FBRSL1: variants seen among roughly 807,000 people sequenced by gnomAD.
FBRSL1 encodes the protein fibrosin-1-like protein.
A neutral mutation model predicts 89.6 loss-of-function variants in FBRSL1; 51 were observed. The observed-to-expected ratio is 0.57, with a 90% CI of 0.45 to 0.72. The LOEUF is 0.72. Among genes scored for constraint, FBRSL1 ranks in the 30% least tolerant of loss-of-function variants. FBRSL1 has a pLI of 0.00. For missense variants in FBRSL1, 1,618 were observed against 1,451.8 expected (o/e 1.11, Z -1.86); for synonymous variants, 779 against 681.1 (o/e 1.14, Z -2.24).
intron 4 of FBRSL1, among the ~76,000 whole-genome samples, chr12:132,541,224 TG>T (rs2037239676): frequency 1.3e-5 from 2 of 150,390 alleles, no homozygotes; most frequent in Admixed American, 6.6e-5. Flanking sequence ...ACTGTCAGCC[TG>T]GGGGGCACAG....
intron 13 of FBRSL1, 42 bp downstream of exon 13, chr12:132,574,390 G>A (rs894259099): frequency 9.0e-6 from 14 of 1,549,474 alleles, no homozygotes; most frequent in Non-Finnish European, 1.1e-5. Context: ...GGAGGACTCT[G>A]GTGCCCCCGG....
chr12:132,562,571 A>ACAGACCCCTCCCCGG, intron 5 of FBRSL1, among the ~76,000 whole-genome samples: 1 of 149,404 alleles, frequency 6.7e-6, no homozygotes, highest in South Asian at 2.1e-4. Flanking sequence ...CAGGACCCCG[A>ACAGACCCCTCCCCGG]CCCCGGGGAC....
At chr12:132,529,585 C>T (rs1434735232) in intron 4 of FBRSL1, among the ~76,000 whole-genome samples, 1 of 151,406 alleles carries the variant, frequency 6.6e-6, no homozygotes, top group Non-Finnish European at 1.5e-5. Flanking sequence ...ACCCTGGGCT[C>T]TTCTCTGCCA....
At chr12:132,572,429 G>T in intron 10 of FBRSL1, 85 bp downstream of exon 10, 2 of 1,511,726 alleles carry the variant, frequency 1.3e-6, no homozygotes, top group Non-Finnish European at 1.8e-6. Flanking sequence ...CCCCTCGCCT[G>T]GCCTCGCCCC....
intron 4 of FBRSL1, among the ~76,000 whole-genome samples, chr12:132,531,084 T>A (rs1238202749): frequency 6.6e-6 from 1 of 151,056 alleles, no homozygotes; most frequent in African/African-American, 2.4e-5. Flanking sequence ...TCCTTGGAAG[T>A]GCTCTTCCCC....
intron 1 of FBRSL1, among the ~76,000 whole-genome samples, chr12:132,505,313 G>A (rs1350321877): frequency 6.6e-6 from 1 of 152,198 alleles, no homozygotes; most frequent in Non-Finnish European, 1.5e-5. Context: ...CTTCCACGGA[G>A]CCCAGGCATC....
At chr12:132,581,606 G>C in intron 16 of FBRSL1, 90 bp downstream of exon 16, 1 of 1,484,814 alleles carries the variant, frequency 6.7e-7, no homozygotes, top group African/African-American at 1.4e-5. Context: ...AGGTGGCCCC[G>C]AGCCCCAGGG....
intron 1 of FBRSL1, among the ~76,000 whole-genome samples, chr12:132,493,027 A>G (rs551138623): frequency 6.6e-6 from 1 of 152,130 alleles, no homozygotes; most frequent in East Asian, 1.9e-4. Context: ...CAACTCATTT[A>G]CTCCTCAAAT....
intron 5 of FBRSL1, among the ~76,000 whole-genome samples, chr12:132,566,682 A>G (rs889351567): frequency 9.2e-5 from 14 of 152,358 alleles, no homozygotes; most frequent in African/African-American, 3.4e-4. Context: ...GCTGCCTCTC[A>G]GCAACACTGG....
chr12:132,581,154 C>A (rs1407836267), intron 15 of FBRSL1: 1 of 985,268 alleles, frequency 1.0e-6, no homozygotes, highest in Non-Finnish European at 1.2e-6. Flanking sequence ...GCCCAAGTTG[C>A]AGCCCCTTTG....
At chr12:132,570,771 G>A (rs1269680059) in intron 8 of FBRSL1, among the ~76,000 whole-genome samples, 2 of 152,216 alleles carry the variant, frequency 1.3e-5, no homozygotes, top group Admixed American at 6.5e-5. Context: ...GTACAGACGC[G>A]TGTTCACACT....
chr12:132,533,615 C>T (rs184788194), intron 4 of FBRSL1, among the ~76,000 whole-genome samples: 1 of 152,384 alleles, frequency 6.6e-6, no homozygotes, highest in East Asian at 1.9e-4. Flanking sequence ...TCTGCTCACC[C>T]ATTTGTCCAT....
At chr12:132,574,622 C>A in intron 14 of FBRSL1, 58 bp downstream of exon 14, 2 of 1,524,192 alleles carry the variant, frequency 1.3e-6, no homozygotes, top group Non-Finnish European at 1.8e-6. Context: ...CCTGGTCGGG[C>A]CCTGAAGGCC....
At chr12:132,496,959 TTGC>T (rs2032145086) in intron 1 of FBRSL1, among the ~76,000 whole-genome samples, 1 of 152,264 alleles carries the variant, frequency 6.6e-6, no homozygotes, top group African/African-American at 2.4e-5. Context: ...GTGTCCTGTG[TTGC>T]TGTCAGGCTG....
At position 132,584,105 on chromosome 12, in the gene FBRSL1, T is replaced by C. The variant is rs1253147631; in HGVS notation, c.*327T>C. ...AAAAAAGAAACTTTTGCTTCTTCGT[T>C]TTCGGTTGGGATTTGCAGTTTAATG... On this transcript the variant is annotated 3_prime_UTR_variant, in exon 19 of 19. Transcript: ENST00000680143. 1 of 154,358 alleles carries C rather than the reference T, an allele frequency of 6.5e-6. No individual in the cohort carries two copies. Among genetic ancestry groups the C allele is most frequent in the Non-Finnish European group, 1.4e-5 (1 of 69,520 alleles). 9.6% of individuals were successfully genotyped at this position (154,358 alleles called of 1,614,324 possible).
At chr12:132,572,410 G>A in intron 10 of FBRSL1, 66 bp downstream of exon 10, 4 of 1,526,348 alleles carry the variant, frequency 2.6e-6, no homozygotes, top group Admixed American at 2.0e-5. Context: ...GGGGCGGTGG[G>A]TGGGGCTGCC....
chr12:132,504,535 G>A (rs930828875), intron 1 of FBRSL1, among the ~76,000 whole-genome samples: 2 of 152,084 alleles, frequency 1.3e-5, no homozygotes, highest in Admixed American at 1.3e-4. Context: ...GGCCTCCACC[G>A]CGCCTTCTTG....
intron 15 of FBRSL1, chr12:132,580,868 C>G: frequency 1.0e-6 from 1 of 985,434 alleles, no homozygotes; most frequent in Non-Finnish European, 1.2e-6. Flanking sequence ...GCAGCCCCTC[C>G]CAGGGCCCGG....
At position 132,560,403 on chromosome 12, in the gene FBRSL1, CGGCG is replaced by C. The variant is rs1036218190; in HGVS notation, c.646-7067_646-7064del. On this transcript the variant is annotated intron_variant, in intron 5 of 18. Transcript: ENST00000680143. ...CGCGTCCTCCCGGGGGCGCACGTGG[CGGCG>C]GGCGGGCGGGGGTGCGGCGCGGCCG... Among the ~76,000 whole-genome samples, 96 of 151,936 alleles carry C rather than the reference CGGCG, an allele frequency of 6.3e-4. 1 individual carries two copies. Among genetic ancestry groups the C allele is most frequent in the African/African-American group, 2.1e-3 (89 of 41,474 alleles).
Sources: gnomAD v4.1 joint callset for allele counts (sites outside exome capture counted in the v4.1 genomes callset) on GRCh38, gnomAD v4.1.1 for gene constraint, MANE v1.5 for transcripts, NCBI Gene and HGNC (gene_info 2026-07-23, HGNC 2026-07-21) for gene names.